SAXO1: variants seen among roughly 807,000 people sequenced by gnomAD.
SAXO1 encodes the protein 4930500O09Rik.
In SAXO1, 21 loss-of-function variants were observed where a neutral mutation model predicts 17.5. The observed-to-expected ratio is 1.20, with a 90% CI of 0.85 to 1.72. The LOEUF is 1.72. Ranked by LOEUF, SAXO1 falls within the 40% of genes most tolerant of loss-of-function variation. The pLI, the probability that SAXO1 is intolerant of heterozygous loss-of-function variation, is 0.00. For synonymous variants in SAXO1, 274 were observed against 216.5 expected (o/e 1.27, Z -2.33); for missense variants, 843 against 596.0 (o/e 1.41, Z -4.32).
intron 1 of SAXO1, among the ~76,000 whole-genome samples, chr9:19,038,353 A>C (rs1273345528): frequency 6.6e-6 from 1 of 152,128 alleles, no homozygotes; most frequent in Non-Finnish European, 1.5e-5. Context: ...ACTTGGAACC[A>C]ACCCAAATGT....
At chr9:18,955,681 C>G (rs1275479160) in intron 1 of SAXO1, among the ~76,000 whole-genome samples, 1 of 152,178 alleles carries the variant, frequency 6.6e-6, no homozygotes, top group Non-Finnish European at 1.5e-5. Context: ...CATAATTCAT[C>G]TCAATCTATA....
intron 1 of SAXO1, among the ~76,000 whole-genome samples, chr9:19,002,042 A>C (rs1588510651): frequency 6.6e-6 from 1 of 152,224 alleles, no homozygotes; most frequent in South Asian, 2.1e-4. Flanking sequence ...AAATAGACGC[A>C]ATAAAAAATG....
intron 1 of SAXO1, among the ~76,000 whole-genome samples, chr9:18,975,591 T>C (rs1160798244): frequency 2.0e-5 from 3 of 152,290 alleles, no homozygotes; most frequent in Non-Finnish European, 2.9e-5. Context: ...TCAGTGTCAA[T>C]TGATCAAAGG....
Position 19,015,224 on chromosome 9 carries a change from G to A in SAXO1, c.38+17647C>T, listed in dbSNP as rs561630725. Among the ~76,000 whole-genome samples, 3 of 152,218 alleles carry A rather than the reference G, an allele frequency of 2.0e-5. No homozygotes were observed. The East Asian group carries it at 5.8e-4, about 29-fold the overall frequency. On this transcript the variant is annotated intron_variant, in intron 1 of 3. Coordinates refer to ENST00000380534, the MANE Select transcript of SAXO1 (RefSeq NM_153707.4). Reference sequence around the variant, plus strand: ...TATGTCAACCAGCCCGGAGTACAATGGCATGATCATGGCTTACCGCAGCCT... The same window carrying A: ...TATGTCAACCAGCCCGGAGTACAATAGCATGATCATGGCTTACCGCAGCCT...
upstream of SAXO1, among the ~76,000 whole-genome samples, chr9:19,036,507 G>C (rs897094581): frequency 6.6e-6 from 1 of 152,102 alleles, no homozygotes; most frequent in Admixed American, 6.5e-5. Context: ...TCCAGCCTAG[G>C]GACTTGGTGC....
intron 1 of SAXO1, among the ~76,000 whole-genome samples, chr9:18,987,617 G>A (rs1833648018): frequency 6.6e-6 from 1 of 152,116 alleles, no homozygotes. Context: ...CTCTTCCTTG[G>A]GCCTGGTATG....
intron 1 of SAXO1, among the ~76,000 whole-genome samples, chr9:18,979,753 A>G (rs1047286778): frequency 6.6e-6 from 1 of 152,202 alleles, no homozygotes; most frequent in African/African-American, 2.4e-5. Context: ...AGGCAGGAGG[A>G]TCACTTGAGC....
chr9:19,038,840 TA>T (rs201489453), intron 1 of SAXO1, among the ~76,000 whole-genome samples: 7 of 149,724 alleles, frequency 4.7e-5, no homozygotes, highest in East Asian at 2.0e-4. Context: ...TTAAAAAAAT[TA>T]AAAAAAAAAT....
At chr9:19,034,439 AACTT>A (rs1305836801), upstream of SAXO1, among the ~76,000 whole-genome samples, 3 of 152,332 alleles carry the variant, frequency 2.0e-5, no homozygotes, top group Non-Finnish European at 2.9e-5. Flanking sequence ...TGACAAATGA[AACTT>A]ACCTAAAATT....
chr9:18,971,485 G>A (rs12115651), intron 1 of SAXO1, among the ~76,000 whole-genome samples: 3,032 of 152,182 alleles, frequency 0.02, 94 homozygotes, highest in African/African-American at 0.069. Context: ...TGAATGGAAT[G>A]ATTTTAGAAA....
intron 1 of SAXO1, among the ~76,000 whole-genome samples, chr9:19,001,703 C>A (rs1215990176): frequency 1.3e-5 from 2 of 149,812 alleles, no homozygotes; most frequent in Non-Finnish European, 3.0e-5. Flanking sequence ...CCAATGAGAA[C>A]AAAGACACAA....
chr9:19,019,113 A>T (rs1442097065), intron 1 of SAXO1, among the ~76,000 whole-genome samples: 1 of 152,074 alleles, frequency 6.6e-6, no homozygotes, highest in Non-Finnish European at 1.5e-5. Flanking sequence ...CCATCTCAAA[A>T]AAAAAGAAAA....
intron 1 of SAXO1, among the ~76,000 whole-genome samples, chr9:19,038,765 A>G (rs1440492863): frequency 6.6e-6 from 1 of 152,152 alleles, no homozygotes. Context: ...ATAATAAAAA[A>G]AAAAGAATAA....
At position 19,003,994 on chromosome 9, in the gene SAXO1, A is replaced by G. The variant is rs538820283; in HGVS notation, c.38+28877T>C. Among the ~76,000 whole-genome samples, 460 of 152,302 alleles carry G rather than the reference A, an allele frequency of 3.0e-3. 8 individuals are homozygous for G. The South Asian group carries it at 0.044, about 15-fold the overall frequency. ...GAAAAATTTTGCAATCTATCCATCT[A>G]ACAAAGGACTTATATCCAGAATCCA... On this transcript the variant is annotated intron_variant, in intron 1 of 3. Coordinates refer to ENST00000380534, the MANE Select transcript of SAXO1 (RefSeq NM_153707.4).
At chr9:18,983,914 C>T (rs865971750) in intron 1 of SAXO1, among the ~76,000 whole-genome samples, 1 of 152,194 alleles carries the variant, frequency 6.6e-6, no homozygotes, top group Non-Finnish European at 1.5e-5. Context: ...GAGTTAACCA[C>T]ATTCTATGGC....
chr9:19,031,426 G>A (rs1300857080), intron 1 of SAXO1, among the ~76,000 whole-genome samples: 2 of 152,188 alleles, frequency 1.3e-5, no homozygotes, highest in African/African-American at 2.4e-5. Context: ...GCCAGGCATG[G>A]TGGCATGTGC....
At chr9:19,018,158 A>AC (rs1835069846) in intron 1 of SAXO1, among the ~76,000 whole-genome samples, 2 of 148,678 alleles carry the variant, frequency 1.3e-5, no homozygotes, top group Non-Finnish European at 3.0e-5. Flanking sequence ...ACAGAGCAAG[A>AC]CCCCATCTCA....
At chr9:18,986,151 A>G (rs966121666) in intron 1 of SAXO1, among the ~76,000 whole-genome samples, 78 of 152,228 alleles carry the variant, frequency 5.1e-4, no homozygotes, top group Admixed American at 1.4e-3. Context: ...CAATCATAAC[A>G]CAGATTTTAA....
intron 3 of SAXO1, among the ~76,000 whole-genome samples, chr9:18,931,236 T>C (rs528997957): frequency 6.6e-6 from 1 of 152,304 alleles, no homozygotes; most frequent in South Asian, 2.1e-4. Flanking sequence ...AACTGCGCAT[T>C]TTTTGGACAT....
Sources: gnomAD v4.1 joint callset for allele counts (sites outside exome capture counted in the v4.1 genomes callset) on GRCh38, gnomAD v4.1.1 for gene constraint, MANE v1.5 for transcripts, NCBI Gene and HGNC (gene_info 2026-07-23, HGNC 2026-07-21) for gene names.